The following PRKD3 variants were observed in gnomAD, a reference collection of about 807,000 sequenced individuals.
PRKD3 encodes the protein serine/threonine-protein kinase D3.
Under a neutral mutation model 99.2 loss-of-function variants are expected in PRKD3, and 47 were observed. That is an observed-to-expected ratio of 0.47 (90% confidence interval 0.38 to 0.60). The LOEUF is 0.60. PRKD3 is among the 20% of genes least tolerant of loss of function. The pLI is 0.00. For missense variants in PRKD3, 1,019 were observed against 1,088.4 expected (o/e 0.94, Z 0.90); for synonymous variants, 392 against 355.4 (o/e 1.10, Z -1.16).
At position 37,314,734 on chromosome 2, in the gene PRKD3, G is replaced by C. The variant is rs188007305; in HGVS notation, c.288+1503C>G. Reference sequence around the variant, plus strand: ...GAGTTTCTATGGTTTCAAATAAAAAGGGAACATTATATTTAAGTTACAAAT... The same window carrying C: ...GAGTTTCTATGGTTTCAAATAAAAACGGAACATTATATTTAAGTTACAAAT... On this transcript the variant is annotated intron_variant, in intron 2 of 18. Coordinates refer to ENST00000234179, the MANE Select transcript of PRKD3 (RefSeq NM_005813.6). Among the ~76,000 whole-genome samples the C allele has an allele frequency of 1.1e-4, 17 of 151,618 alleles. No individual in the cohort carries two copies. The East Asian group carries it at 2.7e-3, about 24-fold the overall frequency.
intron 16 of PRKD3, among the ~76,000 whole-genome samples, chr2:37,258,556 G>A (rs2148489069): frequency 6.6e-6 from 1 of 152,206 alleles, no homozygotes; most frequent in South Asian, 2.1e-4. Flanking sequence ...TCAGAAAGTG[G>A]GAGTTTTAAT....
chr2:37,289,851 T>C (rs914753197), intron 4 of PRKD3, among the ~76,000 whole-genome samples: 6 of 152,230 alleles, frequency 3.9e-5, no homozygotes, highest in African/African-American at 9.6e-5. Context: ...TGTTTTACGA[T>C]GCACAATACA....
At chr2:37,262,140 T>C (rs1668512078) in intron 14 of PRKD3, among the ~76,000 whole-genome samples, 1 of 152,212 alleles carries the variant, frequency 6.6e-6, no homozygotes, top group South Asian at 2.1e-4. Flanking sequence ...AGGAGCATCC[T>C]GTACATTTTT....
chr2:37,290,591 C>T (rs1025894833), intron 4 of PRKD3, among the ~76,000 whole-genome samples: 17 of 152,144 alleles, frequency 1.1e-4, no homozygotes, highest in African/African-American at 3.6e-4. Flanking sequence ...TTATTTTGTA[C>T]TAAATATTTA....
rs1667664843 is a variant in PRKD3 at position 37,253,353 on chromosome 2, A to G, written c.2500-3T>C. On this transcript the variant is annotated splice_polypyrimidine_tract_variant and splice_region_variant and intron_variant, in intron 18 of 18. Coordinates refer to ENST00000234179, the MANE Select transcript of PRKD3 (RefSeq NM_005813.6). ...AGGTCAAGCCAAGTCTGATAGTCCT[A>G]GGAGAAAATGAAATTGTAATGATGA... The G allele has an allele frequency of 6.3e-7, 1 of 1,596,680 alleles. No individual in the cohort carries two copies. Among genetic ancestry groups the G allele is most frequent in the Non-Finnish European group, 8.5e-7 (1 of 1,169,844 alleles).
chr2:37,262,614 A>G (rs1323058791), intron 14 of PRKD3, among the ~76,000 whole-genome samples: 1 of 152,164 alleles, frequency 6.6e-6, no homozygotes, highest in Non-Finnish European at 1.5e-5. Flanking sequence ...GAATATTATA[A>G]CTTTTATCAA....
chr2:37,290,389 C>A (rs113978637), intron 4 of PRKD3, among the ~76,000 whole-genome samples: 4 of 152,258 alleles, frequency 2.6e-5, no homozygotes, highest in African/African-American at 4.8e-5. Context: ...TCCGCCACCA[C>A]GCCCGGCTAA....
rs200537124 is a variant in PRKD3 at position 37,289,468 on chromosome 2, T to C, written c.605A>G (p.Asn202Ser). Residue 202 changes from asparagine (N) to serine (S), a missense_variant, in exon 5 of 19, where the codon AAT (asparagine) becomes AGT (serine). Asn to Ser is a conservative substitution (Grantham distance 46, BLOSUM62 1). Coordinates refer to ENST00000234179, the MANE Select transcript of PRKD3 (RefSeq NM_005813.6). Reference sequence around the variant, plus strand: ...TCTCTTTCTTACTCCACTACAGTTATTTGGAATCTTGAAGGCACATCGTTT... The same window carrying C: ...TCTCTTTCTTACTCCACTACAGTTACTTGGAATCTTGAAGGCACATCGTTT... ...YHKRCAFKIP[N>S]NCSGVRKRRL... 1 of 1,613,830 alleles carries C rather than the reference T, an allele frequency of 6.2e-7. No homozygotes were observed. Among genetic ancestry groups the C allele is most frequent in the East Asian group, 2.2e-5 (1 of 44,868 alleles).
intron 1 of PRKD3, among the ~76,000 whole-genome samples, chr2:37,321,820 G>T (rs540432015): frequency 1.3e-5 from 2 of 152,300 alleles, no homozygotes; most frequent in South Asian, 4.1e-4. Context: ...CTCTGGATAA[G>T]CAAGAGTCAA....
At chr2:37,303,986 G>A (rs1248260060) in intron 2 of PRKD3, among the ~76,000 whole-genome samples, 1 of 151,890 alleles carries the variant, frequency 6.6e-6, no homozygotes, top group East Asian at 1.9e-4. Context: ...GAATACCAAC[G>A]TCATTTTAAA....
chr2:37,323,937 T>A (rs1055944233), intron 1 of PRKD3, among the ~76,000 whole-genome samples: 9 of 152,184 alleles, frequency 5.9e-5, no homozygotes, highest in Non-Finnish European at 1.0e-4. Context: ...CACACACTTG[T>A]CGCTTGAATC....
intron 5 of PRKD3, among the ~76,000 whole-genome samples, chr2:37,287,991 C>A (rs1363259186): frequency 6.6e-6 from 1 of 152,130 alleles, no homozygotes; most frequent in African/African-American, 2.4e-5. Flanking sequence ...TTAAAAATAC[C>A]CTGAACAATC....
chr2:37,291,053 T>C, intron 3 of PRKD3, 54 bp from the exon 4 acceptor site: 7 of 1,451,616 alleles, frequency 4.8e-6, no homozygotes, highest in Non-Finnish European at 6.5e-6. Context: ...GCGATGAGAT[T>C]AAGAATGCTC....
chr2:37,294,022 CACTA>C (rs1412898287), intron 2 of PRKD3, among the ~76,000 whole-genome samples: 2 of 152,206 alleles, frequency 1.3e-5, no homozygotes, highest in Admixed American at 6.5e-5. Flanking sequence ...TAGGTGCAAA[CACTA>C]ACCTAGTTTC....
chr2:37,289,430 C>T lies in PRKD3; in HGVS notation c.643G>A (p.Val215Ile). The change falls in exon 5 of 19, where the codon GTA (valine) becomes ATA (isoleucine). Residue 215 changes from valine to isoleucine, a missense_variant. Coordinates refer to ENST00000234179, the MANE Select transcript of PRKD3 (RefSeq NM_005813.6). Reference sequence around the variant, plus strand: ...GAGAGGCCGGGTCCTGGTAAAGATACATTTGACAGACGTCTCTTTCTTACT... The same window carrying T: ...GAGAGGCCGGGTCCTGGTAAAGATATATTTGACAGACGTCTCTTTCTTACT... ...SGVRKRRLSN[V>I]SLPGPGLSVP... The T allele has an allele frequency of 6.2e-7, 1 of 1,613,974 alleles. No individual in the cohort carries two copies. The highest frequency in any genetic ancestry group is 8.5e-7 in the Non-Finnish European group (1 of 1,179,898).
chr2:37,314,329 A>C (rs1671569639), intron 2 of PRKD3, among the ~76,000 whole-genome samples: 1 of 152,156 alleles, frequency 6.6e-6, no homozygotes, highest in Non-Finnish European at 1.5e-5. Flanking sequence ...TATGTCCACA[A>C]TCAATAACTA....
chr2:37,286,166 C>G lies in PRKD3; in HGVS notation c.910+11G>C, dbSNP rs781323568. On this transcript the variant is annotated intron_variant, in intron 6 of 18. Coordinates refer to ENST00000234179, the MANE Select transcript of PRKD3 (RefSeq NM_005813.6). The stretch of plus-strand genomic sequence containing the variant: ...ACATAAATTTTAATTAGGGAAAACA[C>G]CTAATCCTACCTTTACACTGCATTC... The G allele has an allele frequency of 6.3e-7, 1 of 1,588,324 alleles. No homozygotes were observed. The highest frequency in any genetic ancestry group is 1.1e-5 in the South Asian group (1 of 87,758).
intron 2 of PRKD3, among the ~76,000 whole-genome samples, chr2:37,306,833 G>A (rs1671192290): frequency 6.6e-6 from 1 of 151,924 alleles, no homozygotes; most frequent in South Asian, 2.1e-4. Flanking sequence ...AAAATGCCCA[G>A]GCAAAACTAG....
At chr2:37,294,702 A>T (rs1411075645) in intron 2 of PRKD3, among the ~76,000 whole-genome samples, 1 of 152,218 alleles carries the variant, frequency 6.6e-6, no homozygotes, top group African/African-American at 2.4e-5. Flanking sequence ...TTATGAAATT[A>T]TTCAGTTGGA....
Sources: allele counts gnomAD v4.1 joint callset (sites outside exome capture counted in the v4.1 genomes callset), GRCh38; gene constraint gnomAD v4.1.1; transcripts MANE v1.5; gene names NCBI Gene and HGNC (gene_info 2026-07-23, HGNC 2026-07-21).